GRID1: variants seen among roughly 807,000 people sequenced by gnomAD.
The protein encoded by GRID1 is glutamate ionotropic receptor delta type subunit 1.
A neutral mutation model predicts 98.0 loss-of-function variants in GRID1; 28 were observed. The ratio of observed to expected loss-of-function variants is 0.29; its 90% confidence interval spans 0.21 to 0.39. The LOEUF is 0.39. Ranked by LOEUF, GRID1 falls within the 10% of genes least tolerant of loss-of-function variation. The pLI is 1.00. For synonymous variants in GRID1, 553 were observed against 538.5 expected, an observed-to-expected ratio of 1.03 and a Z score of -0.37; for missense variants, 1,111 against 1,340.5, an observed-to-expected ratio of 0.83 and a Z score of 2.67.
intron 10 of GRID1, among the ~76,000 whole-genome samples, chr10:85,727,378 G>A (rs1841771934): frequency 6.6e-6 from 1 of 152,198 alleles, no homozygotes; most frequent in Admixed American, 6.5e-5. Context: ...GTTTCTACGG[G>A]AGGGAAGAAG....
intron 15 of GRID1, among the ~76,000 whole-genome samples, chr10:85,608,837 T>C (rs1842701535): frequency 6.6e-6 from 1 of 152,164 alleles, no homozygotes; most frequent in African/African-American, 2.4e-5. Flanking sequence ...GGCTTCTCAC[T>C]GGAGGCCGTG....
intron 8 of GRID1, among the ~76,000 whole-genome samples, chr10:85,845,684 C>T (rs1265018407): frequency 6.6e-6 from 1 of 152,106 alleles, no homozygotes; most frequent in Admixed American, 6.6e-5. Flanking sequence ...CTTCGCATGC[C>T]CCTCTGGGGA....
chr10:85,647,753 A>G (rs1843214746), intron 12 of GRID1: 1 of 186,084 alleles, frequency 5.4e-6, no homozygotes, highest in Non-Finnish European at 1.1e-5. Flanking sequence ...GAATCATAGT[A>G]TCAAAGAGTC....
intron 3 of GRID1, among the ~76,000 whole-genome samples, chr10:86,161,709 T>G (rs773492330): frequency 1.6e-4 from 25 of 151,992 alleles, no homozygotes; most frequent in Admixed American, 1.3e-3. Flanking sequence ...TGGGCAGGGT[T>G]TTTTGCAAGC....
At chr10:86,342,879 G>T (rs575343222) in intron 2 of GRID1, among the ~76,000 whole-genome samples, 1 of 152,368 alleles carries the variant, frequency 6.6e-6, no homozygotes, top group East Asian at 1.9e-4. Flanking sequence ...TTGTTCCTGT[G>T]AAAAGCACAG....
At chr10:86,291,346 G>T (rs2607833) in intron 2 of GRID1, among the ~76,000 whole-genome samples, 10,856 of 152,254 alleles carry the variant, frequency 0.071, 1,085 homozygotes, top group African/African-American at 0.23. Flanking sequence ...CCCAGAGACC[G>T]TGTTAGGACC....
At chr10:85,826,602 C>A (rs1045443607) in intron 8 of GRID1, among the ~76,000 whole-genome samples, 1 of 152,066 alleles carries the variant, frequency 6.6e-6, no homozygotes, top group Non-Finnish European at 1.5e-5. Context: ...ATGCACCCTG[C>A]CACATTCACC....
chr10:85,647,309 T>A lies in GRID1; in HGVS notation c.2086A>T (p.Thr696Ser). ...AVYEYFRAKG[T>S]NPLEQDSTFA... ...GTGCTGTCCTGCTCCAGGGGGTTGG[T>A]GCCCTTGGCTCGGAAGTACTCATAT... Residue 696 changes from threonine (T) to serine (S), a missense_variant, in exon 13 of 16, where the codon ACC (threonine) becomes TCC (serine). Coordinates refer to ENST00000327946, the MANE Select transcript of GRID1 (RefSeq NM_017551.3). 6.2e-7 allele frequency: 1 copy of A among 1,614,168 alleles called. No homozygotes were observed. The highest frequency in any genetic ancestry group is 8.5e-7 in the Non-Finnish European group (1 of 1,179,964).
intron 2 of GRID1, among the ~76,000 whole-genome samples, chr10:86,348,446 T>C (rs1248528907): frequency 6.6e-6 from 1 of 151,948 alleles, no homozygotes; most frequent in African/African-American, 2.4e-5. Flanking sequence ...GGTGGATGGG[T>C]GGAGGCAACC....
chr10:85,923,401 G>A (rs1030790555), intron 4 of GRID1, among the ~76,000 whole-genome samples: 4 of 152,132 alleles, frequency 2.6e-5, no homozygotes, highest in African/African-American at 9.7e-5. Flanking sequence ...AGGCTGAGAG[G>A]GCTGTTTTCC....
intron 2 of GRID1, among the ~76,000 whole-genome samples, chr10:86,257,393 T>G (rs1870152): frequency 0.04 from 6,046 of 152,310 alleles, 235 homozygotes; most frequent in Admixed American, 0.11. Context: ...CAAAAAGATC[T>G]GGCCATCTGG....
At chr10:86,233,380 C>G (rs55942243) in intron 2 of GRID1, among the ~76,000 whole-genome samples, 13,720 of 152,270 alleles carry the variant, frequency 0.09, 744 homozygotes, top group Middle Eastern at 0.14. Context: ...GGCTGTGGTG[C>G]GGAGGCTGTT....
chr10:85,632,462 G>A (rs1842986159), intron 13 of GRID1, among the ~76,000 whole-genome samples: 1 of 152,176 alleles, frequency 6.6e-6, no homozygotes, highest in African/African-American at 2.4e-5. Context: ...TCTTAGATCT[G>A]GAGTAGAGTC....
At chr10:85,666,695 C>T (rs1289731619) in intron 12 of GRID1, among the ~76,000 whole-genome samples, 1 of 152,226 alleles carries the variant, frequency 6.6e-6, no homozygotes, top group Admixed American at 6.5e-5. Context: ...GTGACTTCAA[C>T]TCATCCCGAG....
chr10:86,309,932 C>A (rs1208950764), intron 2 of GRID1, among the ~76,000 whole-genome samples: 1 of 152,184 alleles, frequency 6.6e-6, no homozygotes, highest in Admixed American at 6.5e-5. Flanking sequence ...ACACAGCTGG[C>A]TCTTCTCCAT....
intron 2 of GRID1, among the ~76,000 whole-genome samples, chr10:86,251,216 C>A (rs1033975616): frequency 6.6e-6 from 1 of 151,456 alleles, no homozygotes; most frequent in Non-Finnish European, 1.5e-5. Flanking sequence ...GGAAGGAAGG[C>A]GGCAGGGCCC....
intron 4 of GRID1, among the ~76,000 whole-genome samples, chr10:85,925,956 A>G (rs1185979360): frequency 6.6e-6 from 1 of 152,252 alleles, no homozygotes; most frequent in Non-Finnish European, 1.5e-5. Context: ...TCTTAAGGCA[A>G]TAAAGTTGAA....
intron 12 of GRID1, among the ~76,000 whole-genome samples, chr10:85,721,118 G>C (rs1204704881): frequency 1.3e-5 from 2 of 152,088 alleles, no homozygotes; most frequent in African/African-American, 4.8e-5. Flanking sequence ...AGTCATTCAG[G>C]AATTGCAAAA....
intron 2 of GRID1, among the ~76,000 whole-genome samples, chr10:86,297,796 A>G (rs1847616686): frequency 6.6e-6 from 1 of 152,252 alleles, no homozygotes; most frequent in African/African-American, 2.4e-5. Flanking sequence ...GGCTGGACAG[A>G]AAGTCCACCC....
Sources: allele counts gnomAD v4.1 joint callset (sites outside exome capture counted in the v4.1 genomes callset), GRCh38; gene constraint gnomAD v4.1.1; transcripts MANE v1.5; gene names NCBI Gene and HGNC (gene_info 2026-07-23, HGNC 2026-07-21).